USP15: variants seen among roughly 807,000 people sequenced by gnomAD.
USP15 encodes ubiquitin carboxyl-terminal hydrolase 15.
USP15 carries 18 observed loss-of-function variants against 127.1 expected under a neutral mutation model. The ratio of observed to expected loss-of-function variants is 0.14; its 90% CI spans 0.10 to 0.21. The LOEUF is 0.21. Ranked by LOEUF, USP15 falls within the 10% of genes least tolerant of loss-of-function variation. The probability of loss-of-function intolerance (pLI) is 1.00; values close to 1 mark genes in which losing one functional copy is unlikely to be tolerated. For missense variants in USP15, 805 were observed against 1,159.9 expected (o/e 0.69, Z 4.44); for synonymous variants, 364 against 393.7 (o/e 0.92, Z 0.89).
At chr12:62,387,765 A>C (rs1272792762) in intron 11 of USP15, among the ~76,000 whole-genome samples, 8 of 152,170 alleles carry the variant, frequency 5.3e-5, no homozygotes, top group African/African-American at 9.7e-5. Flanking sequence ...AGATAATTAG[A>C]GGGAAAGCAA....
intron 21 of USP15, among the ~76,000 whole-genome samples, chr12:62,402,151 G>A (rs2067710387): frequency 6.6e-6 from 1 of 151,534 alleles, no homozygotes; most frequent in Admixed American, 6.6e-5. Flanking sequence ...CAAATAAACA[G>A]TTATCTTGTT....
chr12:62,294,126 A>G lies in USP15; in HGVS notation c.90-53A>G, dbSNP rs1349604016. 2.5e-6 allele frequency: 4 copies of G among 1,579,554 alleles called. No individual in the cohort carries two copies. The Admixed American group carries it at 5.5e-5, about 22-fold the overall frequency. On this transcript the variant is annotated intron_variant, in intron 1 of 21. Transcript: ENST00000280377. ...ATATCAAAAAATAGATGGCTGTTCT[A>G]CTGTTCCTGTATTTTCAGGTATTTT...
intron 6 of USP15, among the ~76,000 whole-genome samples, chr12:62,337,713 T>C (rs1403121194): frequency 3.3e-5 from 5 of 151,366 alleles, no homozygotes; most frequent in African/African-American, 1.2e-4. Context: ...CTCCCACTTA[T>C]GAGTGAGAAC....
At chr12:62,376,425 A>G (rs1173253085) in intron 8 of USP15, among the ~76,000 whole-genome samples, 1 of 152,148 alleles carries the variant, frequency 6.6e-6, no homozygotes, top group Non-Finnish European at 1.5e-5. Flanking sequence ...CTTAAGAAAT[A>G]TGTTTTATGA....
chr12:62,335,803 C>T (rs1426339737), intron 6 of USP15: 2 of 985,166 alleles, frequency 2.0e-6, no homozygotes, highest in African/African-American at 3.5e-5. Context: ...ATTTGTCTTT[C>T]TTTTAACCTA....
chr12:62,280,153 TAATA>T (rs1408015638), intron 1 of USP15, among the ~76,000 whole-genome samples: 2 of 151,974 alleles, frequency 1.3e-5, no homozygotes, highest in Non-Finnish European at 2.9e-5. Context: ...TTATTAAACT[TAATA>T]AAGGTAATAA....
chr12:62,314,681 GT>G, intron 3 of USP15, 108 bp from the exon 4 acceptor site: 6 of 1,072,654 alleles, frequency 5.6e-6, no homozygotes, highest in Non-Finnish European at 7.4e-6. Context: ...ATAGTGACTG[GT>G]TTTTCACTGG....
intron 1 of USP15, among the ~76,000 whole-genome samples, chr12:62,293,554 C>T (rs1027051976): frequency 6.6e-6 from 1 of 152,118 alleles, no homozygotes; most frequent in Non-Finnish European, 1.5e-5. Flanking sequence ...CGGGGTTTCA[C>T]GATGTTGGCC....
At chr12:62,400,080 A>C (rs1423029368) in intron 20 of USP15, among the ~76,000 whole-genome samples, 1 of 152,194 alleles carries the variant, frequency 6.6e-6, no homozygotes, top group Non-Finnish European at 1.5e-5. Context: ...CGTACCCTAC[A>C]AAGTGTCACT....
At chr12:62,298,716 G>A (rs1242461477) in intron 2 of USP15, among the ~76,000 whole-genome samples, 2 of 150,640 alleles carry the variant, frequency 1.3e-5, no homozygotes, top group East Asian at 4.0e-4. Flanking sequence ...TGTAGTCCCA[G>A]TACTTGGGAG....
chr12:62,323,135 C>T (rs889427023), intron 5 of USP15, among the ~76,000 whole-genome samples: 22 of 152,164 alleles, frequency 1.4e-4, no homozygotes, highest in Non-Finnish European at 4.4e-5. Context: ...GATGTTTCTA[C>T]TTTGGAGAAA....
At position 62,389,413 on chromosome 12, in the gene USP15, AT is replaced by A. The variant is rs773419412; in HGVS notation, c.1474-10del. ...TTTCCAAAATAATAAATTCATTACA[AT>A]TTTTTTTGTTTTTTAGTACAAAGTG... On this transcript the variant is annotated splice_polypyrimidine_tract_variant and intron_variant, in intron 11 of 21. Coordinates refer to ENST00000280377, the MANE Select transcript of USP15 (RefSeq NM_001252078.2). 1.3e-5 allele frequency: 20 copies of A among 1,592,604 alleles called. No homozygotes were observed. Among genetic ancestry groups the A allele is most frequent in the Admixed American group, 7.1e-5 (4 of 56,378 alleles).
intron 19 of USP15, among the ~76,000 whole-genome samples, chr12:62,395,505 G>T (rs1224718254): frequency 6.6e-6 from 1 of 151,844 alleles, no homozygotes; most frequent in Non-Finnish European, 1.5e-5. Flanking sequence ...TTATAATCCA[G>T]TCACACTCTT....
intron 2 of USP15, 23 bp downstream of exon 2, chr12:62,294,329 C>G: frequency 6.2e-7 from 1 of 1,600,438 alleles, no homozygotes; most frequent in Non-Finnish European, 8.5e-7. Flanking sequence ...TTCCTTCAGT[C>G]AAGTTGTAAA....
At chr12:62,269,070 G>A (rs1021843411) in intron 1 of USP15, among the ~76,000 whole-genome samples, 4 of 152,052 alleles carry the variant, frequency 2.6e-5, no homozygotes, top group Non-Finnish European at 5.9e-5. Flanking sequence ...GCATGTTATA[G>A]CATATATCAA....
At chr12:62,281,847 T>C (rs917379208) in intron 1 of USP15, among the ~76,000 whole-genome samples, 11 of 152,162 alleles carry the variant, frequency 7.2e-5, no homozygotes, top group African/African-American at 2.4e-4. Context: ...TACAGAAATA[T>C]ATGACAATAG....
intron 6 of USP15, among the ~76,000 whole-genome samples, chr12:62,333,347 G>A (rs1195288312): frequency 6.6e-6 from 1 of 152,154 alleles, no homozygotes; most frequent in South Asian, 2.1e-4. Flanking sequence ...GCTCACTGTA[G>A]CCTCAAATTC....
chr12:62,402,461 G>A (rs1254820054), intron 21 of USP15, among the ~76,000 whole-genome samples: 1 of 151,996 alleles, frequency 6.6e-6, no homozygotes, highest in Admixed American at 6.6e-5. Context: ...GGTTTGAGGG[G>A]ACAATAACCA....
intron 1 of USP15, among the ~76,000 whole-genome samples, chr12:62,289,481 T>C (rs182116806): frequency 6.6e-6 from 1 of 152,256 alleles, no homozygotes; most frequent in Non-Finnish European, 1.5e-5. Flanking sequence ...TTGTGTTTAT[T>C]CGAATCTTCT....
Sources: gnomAD v4.1 joint callset for allele counts (sites outside exome capture counted in the v4.1 genomes callset) on GRCh38, gnomAD v4.1.1 for gene constraint, MANE v1.5 for transcripts, NCBI Gene and HGNC (gene_info 2026-07-23, HGNC 2026-07-21) for gene names.